The following DNAH7 variants were observed in gnomAD, a reference collection of about 807,000 sequenced individuals.
DNAH7 encodes the protein dynein axonemal heavy chain 7, also known as axonemal beta dynein heavy chain 7.
Under a neutral mutation model 444.6 loss-of-function variants are expected in DNAH7, and 397 were observed. The observed-to-expected ratio is 0.89, with a 90% CI of 0.82 to 0.97. The LOEUF (loss-of-function observed/expected upper bound fraction) is 0.97, where lower values mean the gene tolerates loss of function less well. Ranked by LOEUF, DNAH7 falls within the 50% of genes least tolerant of loss-of-function variation. The pLI is 0.00. For missense variants in DNAH7, 4,902 were observed against 4,800.8 expected, an observed-to-expected ratio of 1.02 and a Z score of -0.62; for synonymous variants, 1,636 against 1,624.4, an observed-to-expected ratio of 1.01 and a Z score of -0.17.
At chr2:195,832,596 C>A (rs1190072411) in intron 48 of DNAH7, among the ~76,000 whole-genome samples, 1 of 151,976 alleles carries the variant, frequency 6.6e-6, no homozygotes, top group Non-Finnish European at 1.5e-5. Flanking sequence ...GCACATAGCA[C>A]CATGCCCAGC....
intron 21 of DNAH7, among the ~76,000 whole-genome samples, chr2:195,933,295 T>C (rs1688825988): frequency 6.6e-6 from 1 of 152,210 alleles, no homozygotes; most frequent in Non-Finnish European, 1.5e-5. Context: ...ACTTACACTG[T>C]TGGCGGGACT....
chr2:195,930,634 TAAAAC>T (rs1158931623), intron 21 of DNAH7, among the ~76,000 whole-genome samples: 2 of 152,084 alleles, frequency 1.3e-5, no homozygotes, highest in African/African-American at 4.8e-5. Context: ...TCAAAGAACT[TAAAAC>T]AGAACTACCG....
chr2:195,926,762 C>T (rs1475266350), intron 21 of DNAH7, among the ~76,000 whole-genome samples, 196 bp from the exon 22 acceptor site: 1 of 152,024 alleles, frequency 6.6e-6, no homozygotes, highest in African/African-American at 2.4e-5. Context: ...GCAAGGCAAA[C>T]ATATTACATA....
chr2:195,751,337 C>G (rs1170487418), intron 63 of DNAH7, among the ~76,000 whole-genome samples: 1 of 152,132 alleles, frequency 6.6e-6, no homozygotes, highest in South Asian at 2.1e-4. Context: ...TAAGAGGTAT[C>G]TTTAACAGGT....
chr2:195,926,393 C>T, intron 22 of DNAH7, 33 bp downstream of exon 22: 1 of 1,454,322 alleles, frequency 6.9e-7, no homozygotes. Context: ...TGAAAAAATG[C>T]TTAAAAAAAC....
chr2:195,819,379 C>T (rs1449297531), intron 49 of DNAH7, among the ~76,000 whole-genome samples: 1 of 152,150 alleles, frequency 6.6e-6, no homozygotes, highest in Non-Finnish European at 1.5e-5. Context: ...TTGTTCAGCA[C>T]AAAGTCATGC....
At chr2:195,748,927 CA>C (rs1693609373) in intron 63 of DNAH7, among the ~76,000 whole-genome samples, 2 of 152,132 alleles carry the variant, frequency 1.3e-5, no homozygotes, top group Admixed American at 1.3e-4. Context: ...TAGGCATGGG[CA>C]AGGACTTCAT....
intron 2 of DNAH7, among the ~76,000 whole-genome samples, chr2:196,054,077 A>C (rs1559373959): frequency 6.6e-6 from 1 of 152,190 alleles, no homozygotes; most frequent in Non-Finnish European, 1.5e-5. Context: ...AGATAGTATT[A>C]ATTACCCTGT....
At chr2:195,801,676 G>A (rs1301641720) in intron 54 of DNAH7, among the ~76,000 whole-genome samples, 4 of 152,274 alleles carry the variant, frequency 2.6e-5, no homozygotes, top group African/African-American at 4.8e-5. Context: ...ATCTTAAAAC[G>A]ATGGTCTACT....
intron 21 of DNAH7, among the ~76,000 whole-genome samples, chr2:195,934,315 A>G (rs564626899): frequency 6.6e-6 from 1 of 152,318 alleles, no homozygotes; most frequent in African/African-American, 2.4e-5. Context: ...ATTAATGATG[A>G]AAGCACTAGC....
Position 195,858,710 on chromosome 2 carries a change from C to T in DNAH7, c.7831G>A (p.Ala2611Thr), listed in dbSNP as rs200187568. The T allele has an allele frequency of 1.9e-3, 3,049 of 1,613,970 alleles. 5 individuals carry two copies. Among genetic ancestry groups the T allele is most frequent in the Non-Finnish European group, 2.4e-3 (2,845 of 1,179,872 alleles). ...QVATMQMELE[A>T]LHPQLKVASK... ...GCAACTTTTAATTGAGGATGTAGTG[C>T]CTCCAACTCCATCTGCATTGTGGCT... The change falls in exon 43 of 65, where the codon GCA (alanine) becomes ACA (threonine). Residue 2611 changes from alanine to threonine, a missense_variant. By Grantham distance (58) the Ala-to-Thr change is moderately conservative (BLOSUM62 0). Transcript: ENST00000312428.
intron 45 of DNAH7, among the ~76,000 whole-genome samples, chr2:195,855,216 A>G (rs1352736122): frequency 6.6e-6 from 1 of 152,022 alleles, no homozygotes; most frequent in African/African-American, 2.4e-5. Context: ...ATAAATGTTG[A>G]CTGTTATAAA....
chr2:195,958,894 A>G (rs921792329), intron 18 of DNAH7, among the ~76,000 whole-genome samples: 1 of 152,140 alleles, frequency 6.6e-6, no homozygotes, highest in African/African-American at 2.4e-5. Flanking sequence ...TAGAGCCAAG[A>G]TTTGAACCCA....
intron 63 of DNAH7, among the ~76,000 whole-genome samples, chr2:195,742,689 A>C (rs1285054955): frequency 6.6e-6 from 1 of 152,198 alleles, no homozygotes; most frequent in African/African-American, 2.4e-5. Context: ...GTGAGATGTC[A>C]TCAGCACATA....
intron 5 of DNAH7, among the ~76,000 whole-genome samples, chr2:196,039,353 CA>C (rs1696586223): frequency 6.6e-6 from 1 of 151,930 alleles, no homozygotes; most frequent in Admixed American, 6.6e-5. Flanking sequence ...ACAGCAAAAG[CA>C]GTGCTAGAAG....
intron 16 of DNAH7, among the ~76,000 whole-genome samples, chr2:195,971,872 A>C (rs1460373917): frequency 6.6e-6 from 1 of 152,198 alleles, no homozygotes; most frequent in African/African-American, 2.4e-5. Flanking sequence ...AGCACATTTC[A>C]TCAAGGGAGC....
intron 63 of DNAH7, among the ~76,000 whole-genome samples, chr2:195,746,673 G>C (rs1487602966): frequency 2.0e-5 from 3 of 152,152 alleles, no homozygotes; most frequent in Non-Finnish European, 4.4e-5. Flanking sequence ...AATCAAACTA[G>C]AACTCAGGAT....
At chr2:195,759,079 C>T (rs1049279688) in intron 61 of DNAH7, among the ~76,000 whole-genome samples, 5 of 152,194 alleles carry the variant, frequency 3.3e-5, no homozygotes, top group African/African-American at 9.6e-5. Flanking sequence ...AGAGTGCTTG[C>T]ACCACCCCTC....
chr2:195,824,224 T>G, intron 49 of DNAH7, 31 bp downstream of exon 49: 1 of 1,571,016 alleles, frequency 6.4e-7, no homozygotes, highest in Non-Finnish European at 8.7e-7. Flanking sequence ...TTACAAAATC[T>G]GATAAAGAAA....
Sources: allele counts gnomAD v4.1 joint callset (sites outside exome capture counted in the v4.1 genomes callset), GRCh38; gene constraint gnomAD v4.1.1; transcripts MANE v1.5; gene names NCBI Gene and HGNC (gene_info 2026-07-23, HGNC 2026-07-21).